Variants in A2ML1 observed in about 807,000 individuals in gnomAD.
The protein encoded by A2ML1 is alpha-2-macroglobulin-like protein 1.
A neutral mutation model predicts 181.9 loss-of-function variants in A2ML1; 161 were observed. The observed-to-expected ratio is 0.89, with a 90% confidence interval of 0.78 to 1.01. A2ML1 has a LOEUF of 1.01. Among genes scored for constraint, A2ML1 ranks in the 50% least tolerant of loss-of-function variants. The pLI is 0.00. For synonymous variants in A2ML1, 663 were observed against 666.8 expected (o/e 0.99, Z 0.09); for missense variants, 1,670 against 1,768.1 (o/e 0.94, Z 1.00).
At chr12:8,844,566 A>T (rs1368209912) in intron 12 of A2ML1, among the ~76,000 whole-genome samples, 1 of 152,176 alleles carries the variant, frequency 6.6e-6, no homozygotes, top group Non-Finnish European at 1.5e-5. Context: ...GGTGACAGTC[A>T]GGAAGTAGAA....
intron 28 of A2ML1, among the ~76,000 whole-genome samples, chr12:8,862,479 G>A (rs1194878439): frequency 2.0e-5 from 3 of 152,226 alleles, no homozygotes; most frequent in Non-Finnish European, 4.4e-5. Flanking sequence ...TGAATTACAA[G>A]CGTGAGCCAT....
intron 11 of A2ML1, among the ~76,000 whole-genome samples, 168 bp downstream of exon 11, chr12:8,841,704 T>C (rs1396286581): frequency 6.6e-6 from 1 of 152,216 alleles, no homozygotes; most frequent in Non-Finnish European, 1.5e-5. Flanking sequence ...TTTCTGTTTT[T>C]AATATCAATC....
In A2ML1 at chr12:8,864,200, CT is replaced by C. The variant is rs57329358; in HGVS notation, c.3717+203del. On this transcript the variant is annotated intron_variant, in intron 29 of 35. Coordinates refer to ENST00000299698, the MANE Select transcript of A2ML1 (RefSeq NM_144670.6). The stretch of plus-strand genomic sequence containing the variant: ...AATAGTACCAGATGTATTTAATTTT[CT>C]TTTTTTTTTTGTTGAATGTGAAACA... 0.94 allele frequency among the ~76,000 whole-genome samples: 141,119 copies of C among 150,126 alleles called. 66,944 individuals are homozygous for C. Among genetic ancestry groups the C allele is most frequent in the East Asian group, 1 (5,102 of 5,102 alleles).
intron 13 of A2ML1, 103 bp from the exon 14 acceptor site, chr12:8,845,974 C>T (rs1321112575): frequency 2.3e-6 from 3 of 1,312,146 alleles, no homozygotes; most frequent in Non-Finnish European, 3.2e-6. Context: ...GTAACTTGCA[C>T]CATGGTGCCT....
At chr12:8,863,269 G>T (rs1006716005) in intron 28 of A2ML1, among the ~76,000 whole-genome samples, 4 of 151,948 alleles carry the variant, frequency 2.6e-5, no homozygotes, top group Admixed American at 2.6e-4. Context: ...ACCACGCCTG[G>T]CTAATTTTGT....
At chr12:8,854,056 A>T in intron 20 of A2ML1, 72 bp from the exon 21 acceptor site, 1 of 1,452,406 alleles carries the variant, frequency 6.9e-7, no homozygotes, top group Non-Finnish European at 9.1e-7. Context: ...AGAAATGCTG[A>T]TCCAAATGGG....
chr12:8,861,688 C>T (rs1592147874), intron 28 of A2ML1, among the ~76,000 whole-genome samples: 1 of 151,924 alleles, frequency 6.6e-6, no homozygotes, highest in African/African-American at 2.4e-5. Flanking sequence ...GGGGTTTCAC[C>T]GTGTTAGCCA....
chr12:8,844,838 C>A, intron 12 of A2ML1: 1 of 308,566 alleles, frequency 3.2e-6, no homozygotes, highest in Non-Finnish European at 5.4e-6. Flanking sequence ...AGGGCCGAGC[C>A]ACGTGGAATG....
At position 8,835,560 on chromosome 12, in the gene A2ML1, C is replaced by T. The variant is rs1199337603; in HGVS notation, c.537C>T (p.Gly179=). 2 of 1,614,068 alleles carry T rather than the reference C, an allele frequency of 1.2e-6. No individual in the cohort carries two copies. The highest frequency in any genetic ancestry group is 1.3e-5 in the African/African-American group (1 of 74,930). ...AQWLEVVPEQ[G]IVDLSFQLAP... Reference sequence around the variant, plus strand: ...GGCTGGAAGTGGTACCTGAGCAAGGCATTGTAGACCTGTCCTTCCAACTGG... The same window carrying T: ...GGCTGGAAGTGGTACCTGAGCAAGGTATTGTAGACCTGTCCTTCCAACTGG... The change falls in exon 6 of 36, where the codon GGC becomes GGT. Residue 179 remains glycine (G), a synonymous_variant. Transcript: ENST00000299698.
intron 29 of A2ML1, among the ~76,000 whole-genome samples, chr12:8,866,963 G>A (rs1944445744): frequency 6.6e-6 from 1 of 152,072 alleles, no homozygotes; most frequent in Non-Finnish European, 1.5e-5. Context: ...TTTTCAGAAT[G>A]AAACAGTTCA....
chr12:8,879,520 T>C (rs888669550), downstream of A2ML1, among the ~76,000 whole-genome samples: 2 of 151,652 alleles, frequency 1.3e-5, no homozygotes, highest in African/African-American at 2.4e-5. Flanking sequence ...GTCATGATCA[T>C]GAAAGCCCCT....
Position 8,847,576 on chromosome 12 carries a change from C to A in A2ML1, c.1711C>A (p.Gln571Lys). The change falls in exon 15 of 36, where the codon CAG becomes AAG. Residue 571 changes from glutamine (Q) to lysine (K), a missense_variant. Gln to Lys is a moderately conservative substitution (Grantham distance 53). Coordinates refer to ENST00000299698, the MANE Select transcript of A2ML1 (RefSeq NM_144670.6). ...QVSLGFSPSQ[Q>K]LPGAEVELQL... ...TTCCCTTGGCTTCTCCCCCTCCCAG[C>A]AGCTTCCAGGAGCAGAAGTGGAGCT... 1 of 1,612,584 alleles carries A rather than the reference C, an allele frequency of 6.2e-7. No homozygotes were observed. Among genetic ancestry groups the A allele is most frequent in the Non-Finnish European group, 8.5e-7 (1 of 1,179,358 alleles).
At position 8,874,478 on chromosome 12, in the gene A2ML1, C is replaced by A; in HGVS notation, c.4275C>A (p.Val1425=). The stretch of plus-strand genomic sequence containing the variant: ...TCACCATCAGCCAAAGTGTGCTGGT[C>A]ACCAACTTGAAACCAGCAACCATCA... ...YTFTISQSVL[V]TNLKPATIKV... Residue 1425 remains valine, a synonymous_variant, in exon 34 of 36, where the codon GTC becomes GTA. Transcript: ENST00000299698. 1 of 1,614,056 alleles carries A rather than the reference C, an allele frequency of 6.2e-7. No homozygotes were observed. The highest frequency in any genetic ancestry group is 1.1e-5 in the South Asian group (1 of 91,034).
intron 22 of A2ML1, 47 bp downstream of exon 22, chr12:8,854,878 G>T: frequency 6.3e-7 from 1 of 1,574,960 alleles, no homozygotes; most frequent in East Asian, 2.2e-5. Flanking sequence ...CCCTTAGAGG[G>T]CAGGAGATTT....
At chr12:8,860,290 C>A (rs1390956252) in intron 26 of A2ML1, among the ~76,000 whole-genome samples, 4 of 152,138 alleles carry the variant, frequency 2.6e-5, no homozygotes, top group Non-Finnish European at 2.9e-5. Context: ...GCGATCCTCC[C>A]CACCGACTTG....
chr12:8,882,247 A>G lies in A2ML1; in HGVS notation c.*94+1631A>G, dbSNP rs80316558. 9.3e-3 allele frequency among the ~76,000 whole-genome samples: 1,419 copies of G among 152,220 alleles called. 29 individuals carry two copies. Among genetic ancestry groups the G allele is most frequent in the African/African-American group, 0.033 (1,366 of 41,518 alleles). On this transcript the variant is annotated intron_variant and NMD_transcript_variant, in intron 7 of 7. Transcript: ENST00000537475. The stretch of plus-strand genomic sequence containing the variant: ...CAACATTTCAACAGCAAAGGAAGAG[A>G]AGGGACTTCAGAACCCAGGATCTCA...
Position 8,867,989 on chromosome 12 carries a change from G to T in A2ML1, c.3865G>T (p.Asp1289Tyr), listed in dbSNP as rs760705883. The change falls in exon 30 of 36, where the codon GAT becomes TAT. Residue 1289 changes from aspartate (D) to tyrosine (Y), a missense_variant. Physicochemically the swap from Asp to Tyr is radical, Grantham distance 160 (BLOSUM62 -3). Transcript: ENST00000299698. ...AGTTAACAGATTGGTATTTCAGCAG[G>T]ATACCCTGCCCAATGTCCCTGGAAT... ...QSVNRLVFQQDTLPNVPGMYT... is the reference protein window; with the variant it reads ...QSVNRLVFQQYTLPNVPGMYT... 2 of 1,614,212 alleles carry T rather than the reference G, an allele frequency of 1.2e-6. No homozygotes were observed. Among genetic ancestry groups the T allele is most frequent in the South Asian group, 1.1e-5 (1 of 91,090 alleles).
At position 8,845,524 on chromosome 12, in the gene A2ML1, G is replaced by A. The variant is rs747251577; in HGVS notation, c.1537+22G>A. Reference sequence around the variant, plus strand: ...AAAGGTGAGTGTACATGCTTTTCCCGGAAGCAAACAGGATATTTTTAAATT... The same window carrying A: ...AAAGGTGAGTGTACATGCTTTTCCCAGAAGCAAACAGGATATTTTTAAATT... On this transcript the variant is annotated intron_variant, in intron 13 of 35. Transcript: ENST00000299698. The A allele has an allele frequency of 5.5e-5, 89 of 1,613,220 alleles. No individual in the cohort carries two copies. In the Admixed American group the frequency reaches 1.4e-3, roughly 25 times the overall value.
Position 8,849,636 on chromosome 12 carries a change from C to T in A2ML1, c.2029-33C>T, listed in dbSNP as rs757079005. The T allele has an allele frequency of 7.1e-5, 112 of 1,569,632 alleles. 2 individuals carry two copies. The South Asian group carries it at 1.2e-3, about 17-fold the overall frequency. The stretch of plus-strand genomic sequence containing the variant: ...TAGCCCTTGTAGTTGGGGAAGGGAC[C>T]ACCTTAATACTTATTTCTCTGATGC... On this transcript the variant is annotated intron_variant, in intron 16 of 35. Coordinates refer to ENST00000299698, the MANE Select transcript of A2ML1 (RefSeq NM_144670.6).
Sources: allele counts gnomAD v4.1 joint callset (sites outside exome capture counted in the v4.1 genomes callset), GRCh38; gene constraint gnomAD v4.1.1; transcripts MANE v1.5; gene names NCBI Gene and HGNC (gene_info 2026-07-23, HGNC 2026-07-21).